Variants in PMFBP1 observed in about 807,000 individuals in gnomAD.
PMFBP1 encodes polyamine modulated factor 1 binding protein 1.
A neutral mutation model predicts 137.8 loss-of-function variants in PMFBP1; 131 were observed. The ratio of observed to expected loss-of-function variants is 0.95; its 90% confidence interval spans 0.82 to 1.10. The LOEUF (loss-of-function observed/expected upper bound fraction) is 1.10. PMFBP1 is among the 50% of genes least tolerant of loss of function. The probability of loss-of-function intolerance (pLI) is 0.00; values close to 1 mark genes in which losing one functional copy is unlikely to be tolerated. For missense variants in PMFBP1, 1,199 were observed against 1,175.4 expected (o/e 1.02, Z -0.29); for synonymous variants, 490 against 450.4 (o/e 1.09, Z -1.11).
the PMFBP1 span, chr16:72,225,186 T>TA: frequency 2.0e-5 from 3 of 152,184 alleles, no homozygotes; most frequent in African/African-American, 7.2e-5. Flanking sequence ...TCAGAATAGT[T>TA]ACTTCTTTAA....
chr16:72,177,894 AT>A (rs113000031), upstream of PMFBP1, among the ~76,000 whole-genome samples: 22 of 151,410 alleles, frequency 1.5e-4, no homozygotes, highest in Non-Finnish European at 2.8e-4. Flanking sequence ...AATTTGCCTG[AT>A]TTTTTTTTCT....
chr16:72,214,409 T>C, the PMFBP1 span, among the ~76,000 whole-genome samples: 561 of 152,270 alleles, frequency 3.7e-3, 4 homozygotes, highest in African/African-American at 0.013. Context: ...TCCTCTGACA[T>C]TGTGATCCAC....
At chr16:72,124,029 T>C (rs1209185324) in intron 17 of PMFBP1, among the ~76,000 whole-genome samples, 1 of 152,162 alleles carries the variant, frequency 6.6e-6, no homozygotes, top group East Asian at 1.9e-4. Context: ...TCTTCTTTTT[T>C]TTGACACTCT....
In PMFBP1 at chr16:72,125,266, C is replaced by T. The variant is rs779157579; in HGVS notation, c.2393G>A (p.Arg798Gln). ...KKLNTELRKL[R>Q]GFHQESELEV... ...CAGCTCACTCTCCTGGTGGAAGCCCCGCAGTTTTCTTAATTCCGTATTGAG... is the reference window on the plus strand; with the variant it reads ...CAGCTCACTCTCCTGGTGGAAGCCCTGCAGTTTTCTTAATTCCGTATTGAG... The change falls in exon 16 of 21, where the codon CGG (arginine) becomes CAG (glutamine). Residue 798 changes from arginine (R) to glutamine (Q), a missense_variant. Coordinates refer to ENST00000237353, the MANE Select transcript of PMFBP1 (RefSeq NM_031293.3). 1.1e-5 allele frequency: 18 copies of T among 1,613,880 alleles called. No homozygotes were observed. The highest frequency in any genetic ancestry group is 8.3e-5 in the Admixed American group (5 of 59,938).
chr16:72,132,211 C>A (rs1444613226), intron 10 of PMFBP1, among the ~76,000 whole-genome samples: 2 of 152,106 alleles, frequency 1.3e-5, no homozygotes, highest in Admixed American at 1.3e-4. Context: ...GCAACCATCA[C>A]CAATATTTAA....
intron 12 of PMFBP1, among the ~76,000 whole-genome samples, chr16:72,129,488 C>A (rs1056279454): frequency 1.3e-5 from 2 of 152,194 alleles, no homozygotes; most frequent in African/African-American, 2.4e-5. Flanking sequence ...CTTACCAATT[C>A]TTCCCAAAGA....
intron 2 of PMFBP1, among the ~76,000 whole-genome samples, chr16:72,166,352 G>A (rs2043144408): frequency 6.6e-6 from 1 of 152,120 alleles, no homozygotes; most frequent in Non-Finnish European, 1.5e-5. Context: ...GATGTGCCTT[G>A]CTTCCCCTTT....
intron 3 of PMFBP1, among the ~76,000 whole-genome samples, chr16:72,164,161 T>G (rs2043106897): frequency 6.6e-6 from 1 of 152,020 alleles, no homozygotes; most frequent in Non-Finnish European, 1.5e-5. Flanking sequence ...ACGCCTCGGG[T>G]TACCTCTGAT....
chr16:72,124,540 T>A lies in PMFBP1; in HGVS notation c.2589+227A>T, dbSNP rs76572374. ...AGCTGGTGTACCTGACAGTCTCTTC[T>A]CTAGAATGGGGCCTTCGCTCTGCTC... On this transcript the variant is annotated intron_variant, in intron 17 of 20. Transcript: ENST00000237353. 3.7e-3 allele frequency among the ~76,000 whole-genome samples: 567 copies of A among 152,326 alleles called. 5 individuals are homozygous for A. Among genetic ancestry groups the A allele is most frequent in the African/African-American group, 0.013 (533 of 41,566 alleles).
At chr16:72,124,041 G>C (rs912367612) in intron 17 of PMFBP1, among the ~76,000 whole-genome samples, 31 of 152,172 alleles carry the variant, frequency 2.0e-4, no homozygotes, top group African/African-American at 7.5e-4. Flanking sequence ...TGACACTCTT[G>C]CTCTGTCATT....
chr16:72,140,579 G>T lies in PMFBP1; in HGVS notation c.640C>A (p.Pro214Thr), dbSNP rs746777445. The T allele has an allele frequency of 6.2e-7, 1 of 1,609,900 alleles. No individual in the cohort carries two copies. The highest frequency in any genetic ancestry group is 8.5e-7 in the Non-Finnish European group (1 of 1,177,204). The change falls in exon 6 of 21, where the codon CCT (proline) becomes ACT (threonine). Residue 214 changes from proline to threonine, a missense_variant. Coordinates refer to ENST00000237353, the MANE Select transcript of PMFBP1 (RefSeq NM_031293.3). ...GELGGIMGQE[P>T]ENKGDHSKVR... ...TTTGAATGATCACCCTTGTTCTCAG[G>T]CTCCTGAGAGATTTAAAAATAATGG...
upstream of PMFBP1, among the ~76,000 whole-genome samples, chr16:72,180,870 AT>A (rs1394987944): frequency 6.6e-6 from 1 of 152,204 alleles, no homozygotes; most frequent in Non-Finnish European, 1.5e-5. Flanking sequence ...TTCAAAGGGA[AT>A]GTCTGTCCCC....
the PMFBP1 span, among the ~76,000 whole-genome samples, chr16:72,248,402 G>A: frequency 6.6e-6 from 1 of 152,034 alleles, no homozygotes; most frequent in African/African-American, 2.4e-5. Context: ...TATCATTGGG[G>A]CAAAGCAATG....
chr16:72,193,821 G>C, the PMFBP1 span, among the ~76,000 whole-genome samples: 1 of 151,788 alleles, frequency 6.6e-6, no homozygotes, highest in African/African-American at 2.4e-5. Flanking sequence ...TATGTGCCCG[G>C]CTCCAGTCCA....
the PMFBP1 span, among the ~76,000 whole-genome samples, chr16:72,242,894 C>T: frequency 1.6e-4 from 25 of 152,200 alleles, no homozygotes; most frequent in South Asian, 4.2e-4. Flanking sequence ...GAGGAGGGAA[C>T]TGGAAAAGAA....
chr16:72,131,133 G>A lies in PMFBP1; in HGVS notation c.1448-411C>T, dbSNP rs1424123620. Among the ~76,000 whole-genome samples the A allele has an allele frequency of 2.6e-5, 4 of 152,194 alleles. No individual in the cohort carries two copies. The East Asian group carries it at 5.8e-4, about 22-fold the overall frequency. On this transcript the variant is annotated intron_variant, in intron 10 of 20. Transcript: ENST00000237353. ...TGGGTTAGAACGCTTGGAGATGGAT[G>A]AGTGGAGGAACAGAAGCTGAGATGT...
intron 15 of PMFBP1, among the ~76,000 whole-genome samples, chr16:72,125,696 C>A (rs1215754886): frequency 7.9e-5 from 12 of 152,212 alleles, no homozygotes; most frequent in Admixed American, 7.9e-4. Flanking sequence ...ACAATCCAGA[C>A]TTTGGGAAAA....
chr16:72,123,116 A>G, intron 18 of PMFBP1, 128 bp from the exon 19 acceptor site: 1 of 787,818 alleles, frequency 1.3e-6, no homozygotes, highest in Admixed American at 2.2e-5. Context: ...CCCACGCATC[A>G]CCCCGTCCGC....
At chr16:72,188,947 G>A in the PMFBP1 span, among the ~76,000 whole-genome samples, 1 of 152,326 alleles carries the variant, frequency 6.6e-6, no homozygotes, top group Non-Finnish European at 1.5e-5. Flanking sequence ...CCCCGACCAA[G>A]GGAGCGCAGA....
Sources: allele counts gnomAD v4.1 joint callset (sites outside exome capture counted in the v4.1 genomes callset), GRCh38; gene constraint gnomAD v4.1.1; transcripts MANE v1.5; gene names NCBI Gene and HGNC (gene_info 2026-07-23, HGNC 2026-07-21).